The following DST variants were observed in gnomAD, a reference collection of about 807,000 sequenced individuals.
The protein encoded by DST is dystonin, also known as bullous pemphigoid antigen.
In DST, 253 loss-of-function variants were observed where a neutral mutation model predicts 875.2. That is an observed-to-expected ratio of 0.29 (90% CI 0.26 to 0.32). The LOEUF (loss-of-function observed/expected upper bound fraction) is 0.32, where lower values mean the gene tolerates loss of function less well. DST is among the 10% of genes least tolerant of loss of function. The probability of loss-of-function intolerance (pLI) is 1.00; values close to 1 mark genes in which losing one functional copy is unlikely to be tolerated. For synonymous variants in DST, 3,124 were observed against 3,197.1 expected (o/e 0.98, Z 0.77); for missense variants, 8,287 against 9,111.6 (o/e 0.91, Z 3.68).
intron 23 of DST, among the ~76,000 whole-genome samples, chr6:56,636,269 AAC>A (rs10551196): frequency 0.044 from 6,443 of 146,274 alleles, 318 homozygotes; most frequent in African/African-American, 0.13. Context: ...CACACACACA[AAC>A]ACACACACAC....
intron 36 of DST, among the ~76,000 whole-genome samples, chr6:56,622,449 G>A (rs1480725176): frequency 2.6e-5 from 4 of 151,432 alleles, no homozygotes; most frequent in Non-Finnish European, 4.4e-5. Flanking sequence ...GGCGGCAGGC[G>A]CCTGTAATCC....
At chr6:56,473,078 A>G (rs962939467) in intron 93 of DST, among the ~76,000 whole-genome samples, 3 of 152,192 alleles carry the variant, frequency 2.0e-5, no homozygotes, top group South Asian at 2.1e-4. Flanking sequence ...CTGCAGTCCA[A>G]TGAAGTTATA....
chr6:56,824,895 C>G (rs2099778131), intron 4 of DST, among the ~76,000 whole-genome samples: 1 of 151,728 alleles, frequency 6.6e-6, no homozygotes, highest in South Asian at 2.1e-4. Context: ...GCCCCCCGCC[C>G]GGCCAGCCGC....
intron 4 of DST, among the ~76,000 whole-genome samples, chr6:56,780,800 C>A (rs1238828685): frequency 1.3e-5 from 2 of 151,674 alleles, no homozygotes; most frequent in Non-Finnish European, 2.9e-5. Context: ...AAGTCCTTGC[C>A]CATGCCTATG....
intron 94 of DST, chr6:56,471,805 T>A (rs1030990146): frequency 3.9e-6 from 2 of 515,216 alleles, no homozygotes; most frequent in African/African-American, 3.8e-5. Flanking sequence ...TCTTAAGGAA[T>A]CAGCTTCTGA....
In DST at chr6:56,628,122, G is replaced by C; in HGVS notation, c.4515C>G (p.Tyr1505Ter). ...CTAAAGGATGGTAAGTGTCTCTGTA[G>C]TACTTCAGTGATTTGCCAATGCCCT... is the stretch of plus-strand genomic sequence containing the variant. ...DLEGIGKSLKYYRDTYHPLDD... is the reference protein window; with the variant it reads ...DLEGIGKSLK The change falls in exon 33 of 104, where the codon TAC becomes TAG. Residue 1505 changes from tyrosine (Y) to a stop codon, truncating the protein, a stop_gained. Coordinates refer to ENST00000680361, the MANE Select transcript of DST (RefSeq NM_001374736.1). LOFTEE classifies it high-confidence loss of function. 1 of 1,613,736 alleles carries C rather than the reference G, an allele frequency of 6.2e-7. No homozygotes were observed. Among genetic ancestry groups the C allele is most frequent in the Non-Finnish European group, 8.5e-7 (1 of 1,179,656 alleles).
chr6:56,600,146 G>A lies in DST; in HGVS notation c.11617C>T (p.Arg3873Cys), dbSNP rs1334733744. The stretch of plus-strand genomic sequence containing the variant: ...AAGGCTTCTTGGTGACCAATTAGGC[G>A]GTTTTCAGTTTGGGTAAGAAGATCA... The part of the protein sequence containing the change: ...ICDLLTQTEN[R>C]LIGHQEAFMI... The change falls in exon 45 of 104, where the codon CGC (arginine) becomes TGC (cysteine). Residue 3873 changes from arginine (R) to cysteine (C), a missense_variant. This residue lies in a region of DST where 3,138 missense variants were observed against 3,116.6 expected (regional missense o/e 1.01). Transcript: ENST00000680361. 10 of 1,612,634 alleles carry A rather than the reference G, an allele frequency of 6.2e-6. No homozygotes were observed. The highest frequency in any genetic ancestry group is 3.3e-5 in the Admixed American group (2 of 59,902).
At chr6:56,762,505 C>T (rs999936951) in intron 4 of DST, among the ~76,000 whole-genome samples, 4 of 152,194 alleles carry the variant, frequency 2.6e-5, no homozygotes, top group Non-Finnish European at 4.4e-5. Context: ...ACTCACAATT[C>T]GTACTGCATC....
At chr6:56,776,672 C>T (rs1346552523) in intron 4 of DST, among the ~76,000 whole-genome samples, 1 of 152,000 alleles carries the variant, frequency 6.6e-6, no homozygotes, top group Non-Finnish European at 1.5e-5. Context: ...AAAAGGGTCA[C>T]ATATTTTGAA....
chr6:56,520,734 TA>T lies in DST; in HGVS notation c.18130-3115del, dbSNP rs765721516. Among the ~76,000 whole-genome samples the T allele has an allele frequency of 5.3e-5, 8 of 151,756 alleles. No individual in the cohort carries two copies. In the South Asian group the frequency reaches 1.5e-3, roughly 28 times the overall value. On this transcript the variant is annotated intron_variant, in intron 69 of 103. Coordinates refer to ENST00000680361, the MANE Select transcript of DST (RefSeq NM_001374736.1). ...AAAAATTAAAAGAAAATATATTAAA[TA>T]AAAAAAATTTTAAAAGAAAGAAAAC...
chr6:56,678,715 C>CA (rs2099142445), intron 9 of DST, among the ~76,000 whole-genome samples: 2 of 152,218 alleles, frequency 1.3e-5, no homozygotes, highest in South Asian at 4.2e-4. Flanking sequence ...TTTACAAAGA[C>CA]AAAAGGTATC....
chr6:56,850,068 T>C (rs1591657667), intron 4 of DST, among the ~76,000 whole-genome samples: 1 of 152,262 alleles, frequency 6.6e-6, no homozygotes, highest in East Asian at 1.9e-4. Flanking sequence ...ACTAAACATT[T>C]TCTGGTCTGC....
intron 4 of DST, among the ~76,000 whole-genome samples, chr6:56,822,889 G>T (rs186234651): frequency 1.3e-5 from 2 of 151,416 alleles, no homozygotes. Context: ...GTGCAGTGGC[G>T]CAATCTTGGC....
At chr6:56,618,409 G>A (rs775674908) in intron 36 of DST, 1 of 1,614,182 alleles carries the variant, frequency 6.2e-7, no homozygotes, top group African/African-American at 1.3e-5. Flanking sequence ...TGAAGGTACA[G>A]TCTTTGGCTG....
chr6:56,634,925 T>C lies in DST; in HGVS notation c.3215A>G (p.Lys1072Arg), dbSNP rs2098811695. The C allele has an allele frequency of 6.2e-7, 1 of 1,613,314 alleles. No homozygotes were observed. Among genetic ancestry groups the C allele is most frequent in the Non-Finnish European group, 8.5e-7 (1 of 1,179,596 alleles). The part of the protein sequence containing the change: ...MEEKEELLQY[K>R]STIANLMGKA... ...TCCCATTAGGTTTGCTATAGTGCTT[T>C]TGTACTGCAGAAGTTCTTCTTTCTC... Residue 1072 changes from lysine to arginine, a missense_variant, in exon 25 of 104, where the codon AAA becomes AGA. By Grantham distance (26) the Lys-to-Arg change is conservative. Around this residue, in one of 10 missense-constraint regions of DST, gnomAD observed 1,160 missense variants for 1,424.3 expected, o/e 0.81. Coordinates refer to ENST00000680361, the MANE Select transcript of DST (RefSeq NM_001374736.1).
chr6:56,853,903 T>C (rs1365857390), intron 3 of DST, among the ~76,000 whole-genome samples: 1 of 151,882 alleles, frequency 6.6e-6, no homozygotes, highest in Non-Finnish European at 1.5e-5. Flanking sequence ...CAATATATCA[T>C]AGGAAAATAT....
intron 4 of DST, among the ~76,000 whole-genome samples, chr6:56,832,042 A>G (rs1378603864): frequency 6.6e-6 from 1 of 152,234 alleles, no homozygotes; most frequent in Non-Finnish European, 1.5e-5. Context: ...ATATAAGTAC[A>G]GGTCTTTTTC....
At chr6:56,519,911 T>C (rs538661099) in intron 69 of DST, among the ~76,000 whole-genome samples, 1 of 152,336 alleles carries the variant, frequency 6.6e-6, no homozygotes, top group East Asian at 1.9e-4. Flanking sequence ...GCAGACATGT[T>C]AGAATTACCT....
chr6:56,559,505 C>G (rs914822363), intron 58 of DST, among the ~76,000 whole-genome samples: 1 of 151,960 alleles, frequency 6.6e-6, no homozygotes, highest in African/African-American at 2.4e-5. Flanking sequence ...AGTAATGGAA[C>G]CATTGAAAGT....
Sources: gnomAD v4.1 joint callset for allele counts (sites outside exome capture counted in the v4.1 genomes callset) on GRCh38, gnomAD v4.1.1 for gene constraint, gnomAD v4.1.1 regional missense constraint, MANE v1.5 for transcripts, NCBI Gene and HGNC (gene_info 2026-07-23, HGNC 2026-07-21) for gene names.